HSF5: variants seen among roughly 807,000 people sequenced by gnomAD.
HSF5 encodes heat shock transcription factor 5.
Under a neutral mutation model 50.8 loss-of-function variants are expected in HSF5, and 5 were observed. That is an observed-to-expected ratio of 0.10 (90% confidence interval 0.05 to 0.21). The LOEUF is 0.21. Ranked by LOEUF, HSF5 falls within the 10% of genes least tolerant of loss-of-function variation. The probability of loss-of-function intolerance (pLI) is 1.00; values close to 1 mark genes in which losing one functional copy is unlikely to be tolerated. For synonymous variants in HSF5, 307 were observed against 307.4 expected (o/e 1.00, Z 0.02); for missense variants, 564 against 762.6 (o/e 0.74, Z 3.07).
In HSF5 at chr17:58,470,192, G is replaced by C. The variant is rs191338938; in HGVS notation, c.926-3213C>G. The stretch of plus-strand genomic sequence containing the variant: ...GAGTTTATACCCCAAAGTGAAAGCA[G>C]GCATTTGAAAAGGTATCTGTACACC... On this transcript the variant is annotated intron_variant, in intron 2 of 5. Coordinates refer to ENST00000323777, the MANE Select transcript of HSF5 (RefSeq NM_001080439.3). Among the ~76,000 whole-genome samples, 7 of 152,278 alleles carry C rather than the reference G, an allele frequency of 4.6e-5. No individual in the cohort carries two copies. The East Asian group carries it at 1.3e-3, about 29-fold the overall frequency.
In HSF5 at chr17:58,487,918, G is replaced by A. The variant is rs1198401239; in HGVS notation, c.357C>T (p.Asp119=). Residue 119 remains aspartate (D), a synonymous_variant, in exon 1 of 6, where the codon GAC becomes GAT. Transcript: ENST00000323777. ...TGAGGTGCACGAGCAGCTGTGGCTG[G>A]TCGCGGCGGAAGTGCGGGTTGTGGA... The part of the protein sequence containing the change: ...HHFHNPHFRR[D]QPQLLVHLKR... 52 of 1,611,000 alleles carry A rather than the reference G, an allele frequency of 3.2e-5. No individual in the cohort carries two copies. Among genetic ancestry groups the A allele is most frequent in the Non-Finnish European group, 4.3e-5 (51 of 1,179,374 alleles).
intron 2 of HSF5, among the ~76,000 whole-genome samples, chr17:58,475,287 T>C (rs906684030): frequency 1.6e-4 from 24 of 152,240 alleles, no homozygotes; most frequent in African/African-American, 4.3e-4. Context: ...ATTTATAATT[T>C]TGTTTTGTGT....
intron 5 of HSF5, among the ~76,000 whole-genome samples, chr17:58,434,671 T>C (rs1974404184): frequency 1.3e-5 from 2 of 151,980 alleles, no homozygotes; most frequent in Admixed American, 1.3e-4. Context: ...CTGGGCAACA[T>C]GGCAAGACCC....
At chr17:58,439,296 C>T (rs985691000) in intron 5 of HSF5, among the ~76,000 whole-genome samples, 1 of 147,616 alleles carries the variant, frequency 6.8e-6, no homozygotes, top group Non-Finnish European at 1.5e-5. Context: ...ACAACAACAA[C>T]CAAAAAAAAA....
At chr17:58,465,729 T>C (rs1974857167) in intron 3 of HSF5, among the ~76,000 whole-genome samples, 1 of 152,110 alleles carries the variant, frequency 6.6e-6, no homozygotes, top group Non-Finnish European at 1.5e-5. Flanking sequence ...TAGATGATTA[T>C]CCAAGGCAAA....
intron 2 of HSF5, among the ~76,000 whole-genome samples, chr17:58,475,481 C>T (rs147263417): frequency 1.1e-3 from 169 of 152,290 alleles, no homozygotes; most frequent in African/African-American, 3.6e-3. Context: ...CATTGAGTGG[C>T]AGGGCTCAAG....
At chr17:58,471,893 G>A (rs1974949492) in intron 2 of HSF5, among the ~76,000 whole-genome samples, 2 of 151,996 alleles carry the variant, frequency 1.3e-5, no homozygotes, top group African/African-American at 4.8e-5. Context: ...TTGATCTGTT[G>A]CCGAGGCGGG....
intron 2 of HSF5, among the ~76,000 whole-genome samples, chr17:58,471,545 C>T (rs1397536021): frequency 2.6e-5 from 4 of 152,020 alleles, no homozygotes; most frequent in African/African-American, 9.7e-5. Flanking sequence ...TTAAATGATA[C>T]ACACATACGT....
chr17:58,444,000 G>C (rs1220951765), intron 5 of HSF5, among the ~76,000 whole-genome samples: 2 of 152,106 alleles, frequency 1.3e-5, no homozygotes, highest in African/African-American at 4.8e-5. Context: ...GCATCAAAGA[G>C]AATAAAATAG....
chr17:58,462,659 G>A, intron 4 of HSF5, 123 bp downstream of exon 4: 2 of 910,416 alleles, frequency 2.2e-6, no homozygotes, highest in Non-Finnish European at 3.3e-6. Context: ...GATCCTCCTG[G>A]AAACCATAAT....
At chr17:58,480,782 T>TCTATCTATCTAC (rs1567919256) in intron 1 of HSF5, among the ~76,000 whole-genome samples, 2 of 151,716 alleles carry the variant, frequency 1.3e-5, no homozygotes, top group Non-Finnish European at 2.9e-5. Context: ...TATCTATCTA[T>TCTATCTATCTAC]CTATCTATCT....
chr17:58,442,393 A>G (rs914269971), intron 5 of HSF5, among the ~76,000 whole-genome samples: 32 of 152,216 alleles, frequency 2.1e-4, no homozygotes, highest in African/African-American at 7.0e-4. Context: ...ATAAGTAGGG[A>G]AAGTGGCCAT....
intron 5 of HSF5, among the ~76,000 whole-genome samples, chr17:58,430,872 T>A (rs890980456): frequency 6.6e-6 from 1 of 152,236 alleles, no homozygotes; most frequent in Non-Finnish European, 1.5e-5. Flanking sequence ...CAGGTGATTT[T>A]GTCCCCGCAC....
At position 58,488,116 on chromosome 17, in the gene HSF5, C is replaced by T. The variant is rs748651984; in HGVS notation, c.159G>A (p.Pro53=). ...QPLFEAELLS[P]PGPGGGGGTA... is the part of the protein sequence containing the mutation. ...TCCCGCCACCGCCCCCCGGCCCGGG[C>T]GGGCTGAGCAGCTCGGCCTCGAAGA... The change falls in exon 1 of 6, where the codon CCG becomes CCA. Residue 53 remains proline (P), a synonymous_variant. Coordinates refer to ENST00000323777, the MANE Select transcript of HSF5 (RefSeq NM_001080439.3). The surrounding 1 kb of genome is among the most constrained non-coding windows in gnomAD (Gnocchi z 4.1). 17 of 1,572,140 alleles carry T rather than the reference C, an allele frequency of 1.1e-5. No homozygotes were observed. In the Admixed American group the frequency reaches 3.1e-4, roughly 29 times the overall value.
chr17:58,487,888 G>A lies in HSF5; in HGVS notation c.387C>T (p.Arg129=). ...DQPQLLVHLK[R]LTSANKAKLA... is the part of the protein sequence containing the mutation. ...GCTTGGCCTTGTTGGCGCTGGTGAG[G>A]CGCTTGAGGTGCACGAGCAGCTGTG... is the stretch of plus-strand genomic sequence containing the variant. Residue 129 remains arginine (R), a synonymous_variant, in exon 1 of 6, where the codon CGC becomes CGT. Transcript: ENST00000323777. 2.5e-6 allele frequency: 4 copies of A among 1,608,874 alleles called. No homozygotes were observed. Among genetic ancestry groups the A allele is most frequent in the Non-Finnish European group, 3.4e-6 (4 of 1,178,872 alleles).
intron 3 of HSF5, 47 bp from the exon 4 acceptor site, chr17:58,463,350 A>C: frequency 6.9e-7 from 1 of 1,452,162 alleles, no homozygotes; most frequent in Admixed American, 1.9e-5. Context: ...ATAAAATATG[A>C]GATTAAGGAG....
intron 1 of HSF5, among the ~76,000 whole-genome samples, chr17:58,480,543 T>C (rs1975083418): frequency 6.6e-6 from 1 of 152,288 alleles, no homozygotes; most frequent in African/African-American, 2.4e-5. Flanking sequence ...AAATTCAACA[T>C]TAAAAGCCTT....
intron 5 of HSF5, among the ~76,000 whole-genome samples, chr17:58,435,995 T>C (rs538037242): frequency 2.3e-4 from 35 of 152,094 alleles, no homozygotes; most frequent in South Asian, 1.2e-3. Flanking sequence ...AGCATAATAC[T>C]AAGCCAGTTC....
At chr17:58,472,308 C>G (rs1251205077) in intron 2 of HSF5, among the ~76,000 whole-genome samples, 6 of 152,058 alleles carry the variant, frequency 3.9e-5, no homozygotes, top group East Asian at 1.9e-4. Flanking sequence ...CTGTACCCCC[C>G]CCAAAAAAAG....
Sources: gnomAD v4.1 joint callset for allele counts (sites outside exome capture counted in the v4.1 genomes callset) on GRCh38, gnomAD v4.1.1 for gene constraint, Gnocchi (gnomAD v3.1) non-coding constraint, MANE v1.5 for transcripts, NCBI Gene and HGNC (gene_info 2026-07-23, HGNC 2026-07-21) for gene names.